HAVCR1: variants seen among roughly 807,000 people sequenced by gnomAD.
HAVCR1 encodes hepatitis A virus cellular receptor 1.
HAVCR1 carries 34 observed loss-of-function variants against 32.0 expected under a neutral mutation model. That is an observed-to-expected ratio of 1.06 (90% CI 0.81 to 1.42). The LOEUF (loss-of-function observed/expected upper bound fraction) is 1.42. Among genes scored for constraint, HAVCR1 ranks in the 40% most tolerant of loss-of-function variants. The pLI is 0.00. For missense variants in HAVCR1, 420 were observed against 442.3 expected, an observed-to-expected ratio of 0.95 and a Z score of 0.45; for synonymous variants, 178 against 170.3, an observed-to-expected ratio of 1.05 and a Z score of -0.35.
chr5:157,069,033 T>C, the HAVCR1 span, among the ~76,000 whole-genome samples: 1 of 152,222 alleles, frequency 6.6e-6, no homozygotes, highest in East Asian at 1.9e-4. Flanking sequence ...GTATTGCGCC[T>C]AAAGTCACAG....
chr5:157,029,703 G>T lies in HAVCR1; in HGVS notation c.*30C>A. Reference sequence around the variant, plus strand: ...TCTGTTCAGTCTTCTGCACTCATGGGCGTAAACTCTCAAAGAGCACCACTG... The same window carrying T: ...TCTGTTCAGTCTTCTGCACTCATGGTCGTAAACTCTCAAAGAGCACCACTG... On this transcript the variant is annotated 3_prime_UTR_variant, in exon 9 of 9. Transcript: ENST00000523175. 1 of 1,612,310 alleles carries T rather than the reference G, an allele frequency of 6.2e-7. No individual in the cohort carries two copies. The highest frequency in any genetic ancestry group is 8.5e-7 in the Non-Finnish European group (1 of 1,179,848).
At chr5:157,068,551 C>T in the HAVCR1 span, among the ~76,000 whole-genome samples, 1 of 152,266 alleles carries the variant, frequency 6.6e-6, no homozygotes, top group African/African-American at 2.4e-5. Context: ...TGAGCCACTG[C>T]ACTCCAGCCT....
rs555684058 is a variant in HAVCR1 at position 157,037,886 on chromosome 5, C to T, written c.838-525G>A. Among the ~76,000 whole-genome samples the T allele has an allele frequency of 1.4e-4, 21 of 151,992 alleles. 2 individuals carry two copies. In the South Asian group the frequency reaches 1.7e-3, roughly 12 times the overall value. On this transcript the variant is annotated intron_variant, in intron 6 of 8. Coordinates refer to ENST00000523175, the MANE Select transcript of HAVCR1 (RefSeq NM_001173393.3). Reference sequence around the variant, plus strand: ...AAAATCAGCTGGGTGTGGTGCTGCACGCCTGTAATCCCAGCTACTTGGGAG... The same window carrying T: ...AAAATCAGCTGGGTGTGGTGCTGCATGCCTGTAATCCCAGCTACTTGGGAG...
chr5:157,056,028 C>T (rs1299191938), intron 2 of HAVCR1, among the ~76,000 whole-genome samples: 1 of 151,768 alleles, frequency 6.6e-6, no homozygotes, highest in Non-Finnish European at 1.5e-5. Context: ...TGGCTCACTG[C>T]TACCCCCGCC....
At chr5:157,057,448 A>AAAGAAAGAAAGAAAGAAAGG (rs1756268788) in intron 2 of HAVCR1, among the ~76,000 whole-genome samples, 1 of 138,798 alleles carries the variant, frequency 7.2e-6, no homozygotes, top group African/African-American at 2.6e-5. Flanking sequence ...AGAAAGAAAG[A>AAAGAAAGAAAGAAAGAAAGG]AAGAAAGAAA....
rs985045245 is a variant in HAVCR1 at position 157,055,497 on chromosome 5, G to A, written c.83C>T (p.Ala28Val). 4.4e-6 allele frequency: 7 copies of A among 1,598,526 alleles called. No homozygotes were observed. In the African/African-American group the frequency reaches 9.4e-5, roughly 21 times the overall value. ...VAGSVKVGGE[A>V]GPSVTLPCHY... ...GCAGGGTAGTGTGACAGATGGACCT[G>A]CCTCTCCACCAACCTTTACAGAACC... Residue 28 changes from alanine (A) to valine (V), a missense_variant, in exon 3 of 9, where the codon GCA becomes GTA. Transcript: ENST00000523175.
chr5:157,039,638 C>T (rs547519183), intron 6 of HAVCR1, among the ~76,000 whole-genome samples: 9 of 152,214 alleles, frequency 5.9e-5, no homozygotes, highest in Non-Finnish European at 1.0e-4. Context: ...CGTGAGCCAG[C>T]GTGCCCTGCC....
At chr5:157,066,754 G>C in the HAVCR1 span, among the ~76,000 whole-genome samples, 1 of 152,108 alleles carries the variant, frequency 6.6e-6, no homozygotes, top group East Asian at 1.9e-4. Context: ...GGAAACTCCA[G>C]GTTGATTGCT....
At chr5:157,037,384 A>G in intron 6 of HAVCR1, 23 bp from the exon 7 acceptor site, 2 of 1,013,156 alleles carry the variant, frequency 2.0e-6, no homozygotes, top group Non-Finnish European at 3.1e-6. Context: ...CAACAGATCA[A>G]AAAAGCATCT....
chr5:157,068,009 G>A, the HAVCR1 span, among the ~76,000 whole-genome samples: 1,016 of 149,594 alleles, frequency 6.8e-3, 4 homozygotes, highest in Non-Finnish European at 0.011. Context: ...AAAACAGCCG[G>A]ATGTATAATC....
chr5:157,047,963 C>T (rs893484172), intron 5 of HAVCR1, among the ~76,000 whole-genome samples: 6 of 152,098 alleles, frequency 3.9e-5, no homozygotes, highest in African/African-American at 9.7e-5. Context: ...AAGACACAGC[C>T]GGTGTCCACT....
chr5:157,042,581 A>C, intron 6 of HAVCR1, 46 bp downstream of exon 6: 1 of 1,134,456 alleles, frequency 8.8e-7, no homozygotes, highest in Non-Finnish European at 1.3e-6. Context: ...TTCCAAGGAG[A>C]TATACAAGTG....
At chr5:157,030,723 A>G (rs1374871910) in intron 8 of HAVCR1, among the ~76,000 whole-genome samples, 1 of 152,242 alleles carries the variant, frequency 6.6e-6, no homozygotes, top group African/African-American at 2.4e-5. Context: ...TACGTGTAGC[A>G]TTTTGATGTA....
chr5:157,056,626 C>T (rs548703317), intron 2 of HAVCR1, among the ~76,000 whole-genome samples: 11 of 151,692 alleles, frequency 7.3e-5, no homozygotes, highest in South Asian at 2.1e-4. Flanking sequence ...GTGATCTGCC[C>T]GCCTTGGCCT....
intron 2 of HAVCR1, among the ~76,000 whole-genome samples, chr5:157,057,204 C>G (rs1167962565): frequency 1.3e-5 from 2 of 151,588 alleles, no homozygotes. Flanking sequence ...GTAATCCCAG[C>G]TACTTGGGAG....
At chr5:157,061,325 A>C (rs775421547), upstream of HAVCR1, among the ~76,000 whole-genome samples, 2 of 152,174 alleles carry the variant, frequency 1.3e-5, no homozygotes, top group African/African-American at 2.4e-5. Flanking sequence ...CAAAAAAATA[A>C]ATTAATTAAA....
intron 4 of HAVCR1, among the ~76,000 whole-genome samples, chr5:157,051,191 T>C (rs1247216991): frequency 6.6e-6 from 1 of 152,172 alleles, no homozygotes; most frequent in African/African-American, 2.4e-5. Context: ...CTATATGGCC[T>C]GAACTGAAAA....
At chr5:157,055,693 C>T (rs1246436621) in intron 2 of HAVCR1, among the ~76,000 whole-genome samples, 160 bp from the exon 3 acceptor site, 1 of 151,946 alleles carries the variant, frequency 6.6e-6, no homozygotes, top group East Asian at 1.9e-4. Context: ...TGGCAAAACC[C>T]GATCTCTACT....
At chr5:157,057,489 C>T (rs937954766) in intron 2 of HAVCR1, among the ~76,000 whole-genome samples, 1 of 150,626 alleles carries the variant, frequency 6.6e-6, no homozygotes, top group Middle Eastern at 3.4e-3. Context: ...TGAAAAAAAT[C>T]GGAAGGCACA....
Sources: gnomAD v4.1 joint callset for allele counts (sites outside exome capture counted in the v4.1 genomes callset) on GRCh38, gnomAD v4.1.1 for gene constraint, MANE v1.5 for transcripts, NCBI Gene and HGNC (gene_info 2026-07-23, HGNC 2026-07-21) for gene names.